Variants in RFTN1 observed in about 807,000 individuals in gnomAD.
The protein encoded by RFTN1 is raftlin.
A neutral mutation model predicts 46.5 loss-of-function variants in RFTN1; 26 were observed. The observed-to-expected ratio is 0.56, with a 90% CI of 0.41 to 0.78. The LOEUF is 0.78. Ranked by LOEUF, RFTN1 falls within the 30% of genes least tolerant of loss-of-function variation. The probability of loss-of-function intolerance (pLI) is 0.00; values close to 1 mark genes in which losing one functional copy is unlikely to be tolerated. For synonymous variants in RFTN1, 261 were observed against 284.2 expected (o/e 0.92, Z 0.82); for missense variants, 693 against 718.7 (o/e 0.96, Z 0.41).
intron 8 of RFTN1, among the ~76,000 whole-genome samples, chr3:16,326,441 C>G: frequency 6.6e-6 from 1 of 152,188 alleles, no homozygotes; most frequent in East Asian, 1.9e-4. Context: ...AAGTGCCTAC[C>G]TAGCCTAGCA....
intron 4 of RFTN1, among the ~76,000 whole-genome samples, chr3:16,397,556 T>C (rs2074497650): frequency 6.6e-6 from 1 of 152,232 alleles, no homozygotes; most frequent in South Asian, 2.1e-4. Flanking sequence ...ACCATTTCAC[T>C]ATGTGTATCA....
intron 4 of RFTN1, among the ~76,000 whole-genome samples, chr3:16,405,774 AGAG>A (rs2074842634): frequency 6.6e-6 from 1 of 152,232 alleles, no homozygotes; most frequent in Non-Finnish European, 1.5e-5. Context: ...TCTAATATGC[AGAG>A]AAGAATATGA....
In RFTN1 at chr3:16,387,218, G is replaced by C. The variant is rs892274726; in HGVS notation, c.442-9116C>G. Among the ~76,000 whole-genome samples, 28 of 152,128 alleles carry C rather than the reference G, an allele frequency of 1.8e-4. No individual in the cohort carries two copies. Among genetic ancestry groups the C allele is most frequent in the African/African-American group, 6.8e-4 (28 of 41,412 alleles). The stretch of plus-strand genomic sequence containing the variant: ...GTCGCATCCATCCAGTCCACCCAGG[G>C]CCACAAGGAGGAGGGCTCAAGGTCT... On this transcript the variant is annotated intron_variant, in intron 4 of 9. Coordinates refer to ENST00000334133, the MANE Select transcript of RFTN1 (RefSeq NM_015150.2). The surrounding 1 kb of genome is among the most constrained non-coding windows in gnomAD (Gnocchi z 5.2).
At chr3:16,434,847 A>AT (rs769185329) in intron 2 of RFTN1, 5 of 152,190 alleles carry the variant, frequency 3.3e-5, no homozygotes, top group Non-Finnish European at 7.3e-5. Context: ...CCCCAAAATA[A>AT]TTTTTAAACG....
rs541666472 is a variant in RFTN1 at position 16,465,929 on chromosome 3, G to A, written c.145+27796C>T. Among the ~76,000 whole-genome samples the A allele has an allele frequency of 1.5e-4, 23 of 152,282 alleles. No homozygotes were observed. In the East Asian group the frequency reaches 3.9e-3, roughly 26 times the overall value. ...AAAAGTTGAGAAACAAAAAGCTCTC[G>A]GGCCTCCCTGACAAGATTCCATAGT... is the stretch of plus-strand genomic sequence containing the variant. On this transcript the variant is annotated intron_variant, in intron 2 of 9. Coordinates refer to ENST00000334133, the MANE Select transcript of RFTN1 (RefSeq NM_015150.2). The surrounding 1 kb of genome is among the most constrained non-coding windows in gnomAD (Gnocchi z 5.1).
intron 3 of RFTN1, among the ~76,000 whole-genome samples, chr3:16,414,479 C>G (rs1029331999): frequency 1.3e-5 from 2 of 151,662 alleles, no homozygotes; most frequent in African/African-American, 4.8e-5. Flanking sequence ...TGGTGGTGCA[C>G]GCCTATAATT....
chr3:16,391,969 G>C (rs1201785799), intron 4 of RFTN1, among the ~76,000 whole-genome samples: 1 of 145,198 alleles, frequency 6.9e-6, no homozygotes, highest in African/African-American at 2.5e-5. Flanking sequence ...TAAGTTATTA[G>C]GTAGTAGGTT....
chr3:16,416,454 C>T (rs986122454), intron 3 of RFTN1, among the ~76,000 whole-genome samples: 3 of 152,130 alleles, frequency 2.0e-5, no homozygotes, highest in African/African-American at 2.4e-5. Flanking sequence ...GTAAAATCTA[C>T]GGTTTAATTA....
At position 16,383,660 on chromosome 3, in the gene RFTN1, G is replaced by A. The variant is rs1448183573; in HGVS notation, c.442-5558C>T. Among the ~76,000 whole-genome samples, 5 of 152,156 alleles carry A rather than the reference G, an allele frequency of 3.3e-5. No individual in the cohort carries two copies. Among genetic ancestry groups the A allele is most frequent in the Non-Finnish European group, 5.9e-5 (4 of 68,046 alleles). Reference sequence around the variant, plus strand: ...TGCGATATATACTCTATGTGCATGCGAATATACGTATTTGTGATTTAGAGT... The same window carrying A: ...TGCGATATATACTCTATGTGCATGCAAATATACGTATTTGTGATTTAGAGT... On this transcript the variant is annotated intron_variant, in intron 4 of 9. Coordinates refer to ENST00000334133, the MANE Select transcript of RFTN1 (RefSeq NM_015150.2). The surrounding 1 kb of genome is among the most constrained non-coding windows in gnomAD (Gnocchi z 4.0).
In RFTN1 at chr3:16,382,317, C is replaced by A. The variant is rs2074019121; in HGVS notation, c.442-4215G>T. On this transcript the variant is annotated intron_variant, in intron 4 of 9. Coordinates refer to ENST00000334133, the MANE Select transcript of RFTN1 (RefSeq NM_015150.2). The surrounding 1 kb of genome is among the most constrained non-coding windows in gnomAD (Gnocchi z 4.7). ...CTAGATCTAGGGGCCACGACTCTTA[C>A]AGTTCTGTCTTACCCTAGTATAGAC... is the stretch of plus-strand genomic sequence containing the variant. Among the ~76,000 whole-genome samples the A allele has an allele frequency of 6.6e-6, 1 of 152,190 alleles. No individual in the cohort carries two copies. The highest frequency in any genetic ancestry group is 6.5e-5 in the Admixed American group (1 of 15,282).
At chr3:16,420,719 T>A (rs1396116769) in intron 3 of RFTN1, among the ~76,000 whole-genome samples, 1 of 152,256 alleles carries the variant, frequency 6.6e-6, no homozygotes, top group East Asian at 1.9e-4. Context: ...CCAGTGCAAC[T>A]GAAGAATTGA....
chr3:16,340,048 C>T (rs1171332525), intron 7 of RFTN1, among the ~76,000 whole-genome samples: 2 of 152,150 alleles, frequency 1.3e-5, no homozygotes, highest in Admixed American at 6.5e-5. Flanking sequence ...AGTATATTCA[C>T]GTATGAAAAT....
chr3:16,391,862 T>TTTTTTG (rs2074349330), intron 4 of RFTN1, among the ~76,000 whole-genome samples: 1 of 30,694 alleles, frequency 3.3e-5, no homozygotes, highest in African/African-American at 1.2e-4. Flanking sequence ...GCAAAGGTTT[T>TTTTTTG]TTTTTTGTTT....
intron 4 of RFTN1, among the ~76,000 whole-genome samples, chr3:16,398,272 A>AAAAAAAAAAAAAAAAAAC (rs2074522029): frequency 6.7e-6 from 1 of 149,376 alleles, no homozygotes; most frequent in Non-Finnish European, 1.5e-5. Flanking sequence ...AAAAAAAAAA[A>AAAAAAAAAAAAAAAAAAC]AGAAGCATCA....
intron 2 of RFTN1, among the ~76,000 whole-genome samples, chr3:16,492,446 TTATAGATGAGGACACTGC>T (rs927399671): frequency 7.9e-5 from 12 of 152,170 alleles, no homozygotes; most frequent in African/African-American, 2.7e-4. Flanking sequence ...CGTGTTCCTT[TTATAGATGAGGACACTGC>T]TATAGATGAG....
In RFTN1 at chr3:16,422,638, A is replaced by G. The variant is rs1008250323; in HGVS notation, c.332+11213T>C. On this transcript the variant is annotated intron_variant, in intron 3 of 9. Coordinates refer to ENST00000334133, the MANE Select transcript of RFTN1 (RefSeq NM_015150.2). The surrounding 1 kb of genome is among the most constrained non-coding windows in gnomAD (Gnocchi z 4.6). ...AAGCGAGACTCCGTCTAAAAAAAAA[A>G]AAGAATAGTGCCCTACTGGATGTTA... is the stretch of plus-strand genomic sequence containing the variant. Among the ~76,000 whole-genome samples the G allele has an allele frequency of 9.2e-5, 14 of 152,192 alleles. No individual in the cohort carries two copies. The highest frequency in any genetic ancestry group is 6.5e-5 in the Admixed American group (1 of 15,282).
In RFTN1 at chr3:16,479,857, G is replaced by A. The variant is rs1282160004; in HGVS notation, c.145+13868C>T. On this transcript the variant is annotated intron_variant, in intron 2 of 9. Transcript: ENST00000334133. This position sits in a 1 kb window ranked among gnomAD's most constrained non-coding sequence, Gnocchi z 5.1. ...AGACAAGTCTCTAGCCATGCAAGGTGCAGCAGGCCAAAGGCAAATAATGGT... is the reference window on the plus strand; with the variant it reads ...AGACAAGTCTCTAGCCATGCAAGGTACAGCAGGCCAAAGGCAAATAATGGT... Among the ~76,000 whole-genome samples the A allele has an allele frequency of 6.6e-6, 1 of 152,214 alleles. No individual in the cohort carries two copies. Among genetic ancestry groups the A allele is most frequent in the Non-Finnish European group, 1.5e-5 (1 of 68,044 alleles).
rs941431140 is a variant in RFTN1 at position 16,458,577 on chromosome 3, C to T, written c.146-24540G>A. Among the ~76,000 whole-genome samples, 4 of 152,104 alleles carry T rather than the reference C, an allele frequency of 2.6e-5. No homozygotes were observed. Among genetic ancestry groups the T allele is most frequent in the East Asian group, 1.9e-4 (1 of 5,196 alleles). On this transcript the variant is annotated intron_variant, in intron 2 of 9. Coordinates refer to ENST00000334133, the MANE Select transcript of RFTN1 (RefSeq NM_015150.2). This position sits in a 1 kb window ranked among gnomAD's most constrained non-coding sequence, Gnocchi z 5.1. ...ATTGAGCTTTTCCATCTTTGTAAATCGTAAATTGTCCTTTCAACATGCATA... is the reference window on the plus strand; with the variant it reads ...ATTGAGCTTTTCCATCTTTGTAAATTGTAAATTGTCCTTTCAACATGCATA...
intron 9 of RFTN1, among the ~76,000 whole-genome samples, chr3:16,318,120 G>T (rs1336682650): frequency 6.6e-6 from 1 of 152,064 alleles, no homozygotes; most frequent in Non-Finnish European, 1.5e-5. Context: ...ATAGAGTTGG[G>T]CAACAACCAG....
Sources: gnomAD v4.1 joint callset for allele counts (sites outside exome capture counted in the v4.1 genomes callset) on GRCh38, gnomAD v4.1.1 for gene constraint, Gnocchi (gnomAD v3.1) non-coding constraint, MANE v1.5 for transcripts, NCBI Gene and HGNC (gene_info 2026-07-23, HGNC 2026-07-21) for gene names.